Variants in ATP8A1 observed in about 807,000 individuals in gnomAD.
ATP8A1 encodes the protein ATPase phospholipid transporting 8A1, also known as phospholipid-transporting ATPase IA.
ATP8A1 carries 90 observed loss-of-function variants against 177.7 expected under a neutral mutation model. The ratio of observed to expected loss-of-function variants is 0.51; its 90% CI spans 0.43 to 0.60. The LOEUF (loss-of-function observed/expected upper bound fraction) is 0.60. Ranked by LOEUF, ATP8A1 falls within the 20% of genes least tolerant of loss-of-function variation. ATP8A1 has a pLI of 0.00. For synonymous variants in ATP8A1, 493 were observed against 485.9 expected (o/e 1.01, Z -0.19); for missense variants, 1,072 against 1,392.8 (o/e 0.77, Z 3.67).
intron 5 of ATP8A1, among the ~76,000 whole-genome samples, chr4:42,606,945 T>G (rs1380120440): frequency 6.6e-6 from 1 of 152,212 alleles, no homozygotes; most frequent in Non-Finnish European, 1.5e-5. Context: ...AAGCACAAAC[T>G]TATCCATTCC....
chr4:42,611,526 C>T (rs2109434892), intron 5 of ATP8A1, among the ~76,000 whole-genome samples: 1 of 152,256 alleles, frequency 6.6e-6, no homozygotes, highest in Non-Finnish European at 1.5e-5. Flanking sequence ...AGGGAATACA[C>T]CTGGGGCTTT....
intron 1 of ATP8A1, among the ~76,000 whole-genome samples, chr4:42,641,666 T>C (rs1027244463): frequency 2.0e-5 from 3 of 152,182 alleles, no homozygotes; most frequent in Admixed American, 6.5e-5. Context: ...AGTGTGTTCA[T>C]AGGAAGATAG....
chr4:42,428,299 C>T (rs1010733618), intron 33 of ATP8A1, among the ~76,000 whole-genome samples: 5 of 152,204 alleles, frequency 3.3e-5, no homozygotes, highest in African/African-American at 7.2e-5. Flanking sequence ...TTGTGGGTCG[C>T]ACAGGCACCT....
At chr4:42,446,080 C>CAAAAA (rs11311245) in intron 31 of ATP8A1, among the ~76,000 whole-genome samples, 3,093 of 63,432 alleles carry the variant, frequency 0.049, 264 homozygotes, top group Non-Finnish European at 0.075. Flanking sequence ...AACGCCCTCT[C>CAAAAA]AAAAAAAAAA....
At chr4:42,500,731 A>C (rs1030236927) in intron 24 of ATP8A1, among the ~76,000 whole-genome samples, 12 of 152,294 alleles carry the variant, frequency 7.9e-5, no homozygotes, top group African/African-American at 2.9e-4. Flanking sequence ...GAATGAACCA[A>C]GGCAGAAAGA....
chr4:42,431,516 G>A (rs999581452), intron 33 of ATP8A1, among the ~76,000 whole-genome samples: 1 of 151,974 alleles, frequency 6.6e-6, no homozygotes, highest in East Asian at 1.9e-4. Context: ...GTTTCTTCTT[G>A]TTGCTGTGAA....
In ATP8A1 at chr4:42,600,518, A is replaced by G; in HGVS notation, c.410T>C (p.Val137Ala). ...DNAVNKKQTQ[V>A]LRNGAWEIVH... is the part of the protein sequence containing the mutation. The stretch of plus-strand genomic sequence containing the variant: ...AATTTCCCAAGCACCATTTCTCAAA[A>G]CTGGAAAGAGAAAAGGTGACATTTT... Residue 137 changes from valine to alanine, a missense_variant and splice_region_variant, in exon 6 of 37, where the codon GTT becomes GCT. Val to Ala is a moderately conservative substitution (Grantham distance 64, BLOSUM62 0). Transcript: ENST00000381668. 3 of 1,609,040 alleles carry G rather than the reference A, an allele frequency of 1.9e-6. No individual in the cohort carries two copies. The highest frequency in any genetic ancestry group is 2.5e-6 in the Non-Finnish European group (3 of 1,178,324).
intron 25 of ATP8A1, among the ~76,000 whole-genome samples, chr4:42,470,231 A>T (rs1215939409): frequency 6.6e-6 from 1 of 152,206 alleles, no homozygotes; most frequent in East Asian, 1.9e-4. Flanking sequence ...ACTGAGTGCA[A>T]TATGCTTTTC....
intron 22 of ATP8A1, among the ~76,000 whole-genome samples, chr4:42,516,179 C>A (rs1207722638): frequency 6.6e-6 from 1 of 152,148 alleles, no homozygotes; most frequent in African/African-American, 2.4e-5. Context: ...ATATGATAAA[C>A]ACAGTCCCTG....
chr4:42,553,756 C>T (rs960800962), intron 16 of ATP8A1, among the ~76,000 whole-genome samples: 2 of 151,894 alleles, frequency 1.3e-5, no homozygotes, highest in African/African-American at 2.4e-5. Context: ...TGGGGAAGAC[C>T]GAACACAAAT....
chr4:42,540,126 A>T (rs888479111), intron 20 of ATP8A1, among the ~76,000 whole-genome samples: 1 of 152,144 alleles, frequency 6.6e-6, no homozygotes, highest in Non-Finnish European at 1.5e-5. Context: ...GACAAAGGAC[A>T]TGAGTAAGCA....
intron 7 of ATP8A1, chr4:42,588,708 T>G (rs74665613): frequency 6.3e-6 from 1 of 157,660 alleles, no homozygotes; most frequent in East Asian, 1.9e-4. Context: ...AAACACCACA[T>G]GAGATTTCAT....
chr4:42,544,085 T>A (rs1438378439), intron 19 of ATP8A1, 99 bp from the exon 20 acceptor site: 2 of 977,850 alleles, frequency 2.0e-6, no homozygotes, highest in Admixed American at 2.1e-5. Flanking sequence ...AGTAAAAAAA[T>A]AAATCTGACC....
At chr4:42,440,991 G>A (rs1290704188) in intron 33 of ATP8A1, among the ~76,000 whole-genome samples, 2 of 152,130 alleles carry the variant, frequency 1.3e-5, no homozygotes, top group African/African-American at 4.8e-5. Context: ...CTGGGGATAT[G>A]ATCTTTGGAT....
At position 42,411,702 on chromosome 4, in the gene ATP8A1, G is replaced by A. The variant is rs1462278350; in HGVS notation, c.*1214C>T. ...GATGAACGTGTCCTCTGACTGTAAA[G>A]TTACCGGCCTGAGTAAAATCCGCAT... On this transcript the variant is annotated 3_prime_UTR_variant, in exon 37 of 37. Coordinates refer to ENST00000381668, the MANE Select transcript of ATP8A1 (RefSeq NM_006095.2). 1 of 152,128 alleles carries A rather than the reference G, an allele frequency of 6.6e-6. No homozygotes were observed. Among genetic ancestry groups the A allele is most frequent in the Non-Finnish European group, 1.5e-5 (1 of 68,018 alleles). 9.4% of individuals were successfully genotyped at this position (152,128 alleles called of 1,614,324 possible).
At chr4:42,533,404 T>G (rs771032636) in intron 20 of ATP8A1, among the ~76,000 whole-genome samples, 5 of 152,102 alleles carry the variant, frequency 3.3e-5, no homozygotes, top group African/African-American at 4.8e-5. Context: ...CCTGGTGATG[T>G]GTGTGATGCA....
intron 5 of ATP8A1, among the ~76,000 whole-genome samples, chr4:42,614,753 C>T (rs997254062): frequency 4.6e-5 from 7 of 152,130 alleles, no homozygotes; most frequent in Admixed American, 1.3e-4. Flanking sequence ...CTCCTTTCTG[C>T]GCCTGGCAGT....
intron 27 of ATP8A1, among the ~76,000 whole-genome samples, chr4:42,460,893 A>G (rs1719054902): frequency 1.3e-5 from 2 of 152,220 alleles, no homozygotes; most frequent in African/African-American, 2.4e-5. Flanking sequence ...CATGAAACTG[A>G]TAACACCTAG....
chr4:42,606,812 C>T (rs1439541019), intron 5 of ATP8A1, among the ~76,000 whole-genome samples: 2 of 152,202 alleles, frequency 1.3e-5, no homozygotes, highest in African/African-American at 4.8e-5. Context: ...CCCCAGAGAA[C>T]ATTGCTGACT....
Sources: gnomAD v4.1 joint callset for allele counts (sites outside exome capture counted in the v4.1 genomes callset) on GRCh38, gnomAD v4.1.1 for gene constraint, MANE v1.5 for transcripts, NCBI Gene and HGNC (gene_info 2026-07-23, HGNC 2026-07-21) for gene names.